The following RPS6KA3 variants were observed in gnomAD, a reference collection of about 807,000 sequenced individuals.
RPS6KA3 encodes ribosomal protein S6 kinase A3.
In RPS6KA3, 4 loss-of-function variants were observed where a neutral mutation model predicts 67.2. The ratio of observed to expected loss-of-function variants is 0.06; its 90% CI spans 0.03 to 0.14. The LOEUF (loss-of-function observed/expected upper bound fraction) is 0.14. RPS6KA3 is among the 10% of genes least tolerant of loss of function. RPS6KA3 has a pLI of 1.00. For synonymous variants in RPS6KA3, 182 were observed against 183.7 expected, an observed-to-expected ratio of 0.99 and a Z score of 0.07; for missense variants, 204 against 559.0, an observed-to-expected ratio of 0.36 and a Z score of 6.40.
At chrX:20,264,104 T>C (rs926702813) in intron 1 of RPS6KA3, among the ~76,000 whole-genome samples, 1 of 112,323 alleles carries the variant, frequency 8.9e-6, no homozygotes, top group Non-Finnish European at 1.9e-5. Context: ...TATTTCCAAA[T>C]TGTATCAGAA....
In RPS6KA3 at chrX:20,266,717, CACGGCA is replaced by C; in HGVS notation, c.-91_-86del. ...CCCCGCTCCGTCGCCGCCCGAGCCC[CACGGCA>C]GCGGCGGCGGCGGCGGCGGCGGCGG... On this transcript the variant is annotated 5_prime_UTR_variant, in exon 1 of 22. Transcript: ENST00000379565. 1 of 630,552 alleles carries C rather than the reference CACGGCA, an allele frequency of 1.6e-6. No individual in the cohort carries two copies. The highest frequency in any genetic ancestry group is 1.9e-6 in the Non-Finnish European group (1 of 530,315). The allele number at this position is 630,552 out of a possible 1,213,427, so 52.0% of individuals were successfully genotyped here.
chrX:20,251,310 ATTG>A (rs778242875), intron 1 of RPS6KA3, among the ~76,000 whole-genome samples: 1 of 111,855 alleles, frequency 8.9e-6, no homozygotes, highest in African/African-American at 3.2e-5. Flanking sequence ...TATTTTTATT[ATTG>A]TTATTATTTG....
chrX:20,224,117 TG>T (rs1310553597), intron 2 of RPS6KA3, among the ~76,000 whole-genome samples: 1 of 82,252 alleles, frequency 1.2e-5, no homozygotes, highest in Admixed American at 1.1e-4. Flanking sequence ...CCACACTGGA[TG>T]AAACAGACTA....
intron 2 of RPS6KA3, among the ~76,000 whole-genome samples, chrX:20,209,607 C>G (rs750785848): frequency 9.0e-6 from 1 of 111,725 alleles, no homozygotes; most frequent in South Asian, 3.7e-4. Flanking sequence ...CATATACTTT[C>G]AGGTTAAATG....
intron 1 of RPS6KA3, among the ~76,000 whole-genome samples, chrX:20,249,085 C>CT (rs1001962094): frequency 1.1e-4 from 12 of 111,971 alleles, no homozygotes; most frequent in Non-Finnish European, 2.1e-4. Flanking sequence ...AGCATGTGAC[C>CT]TTTTTTTCAC....
At chrX:20,221,042 A>G (rs1220588245) in intron 2 of RPS6KA3, among the ~76,000 whole-genome samples, 1 of 112,338 alleles carries the variant, frequency 8.9e-6, no homozygotes. Flanking sequence ...TCAATGAGCA[A>G]TTGCTTTATT....
At chrX:20,198,382 T>C (rs114952916) in intron 4 of RPS6KA3, among the ~76,000 whole-genome samples, 1 of 111,707 alleles carries the variant, frequency 9.0e-6, no homozygotes, top group East Asian at 2.8e-4. Context: ...AAAGAAAAGA[T>C]AGCAAAAGAC....
At chrX:20,236,526 T>G (rs1237823274) in intron 1 of RPS6KA3, among the ~76,000 whole-genome samples, 1 of 109,896 alleles carries the variant, frequency 9.1e-6, no homozygotes, top group Non-Finnish European at 1.9e-5. Context: ...ATCCATCCAT[T>G]CATTCATTTC....
chrX:20,219,028 A>C (rs894238230), intron 2 of RPS6KA3: 14 of 391,371 alleles, frequency 3.6e-5, no homozygotes, highest in African/African-American at 3.3e-4. Context: ...GAAAGAAGAA[A>C]CCTGCCGGCA....
intron 3 of RPS6KA3, among the ~76,000 whole-genome samples, chrX:20,206,435 A>AATACCAG (rs2068574045): frequency 8.9e-6 from 1 of 112,000 alleles, no homozygotes; most frequent in Admixed American, 9.5e-5. Context: ...AATTTAATTT[A>AATACCAG]ATACCAGATA....
At chrX:20,206,549 G>GCTA (rs1045653995) in intron 3 of RPS6KA3, among the ~76,000 whole-genome samples, 2 of 112,022 alleles carry the variant, frequency 1.8e-5, no homozygotes, top group African/African-American at 6.5e-5. Flanking sequence ...CAGGCACTGT[G>GCTA]CTACTGGTTC....
chrX:20,188,606 C>T, intron 7 of RPS6KA3, 72 bp from the exon 8 acceptor site: 1 of 549,148 alleles, frequency 1.8e-6, no homozygotes, highest in East Asian at 3.6e-5. Flanking sequence ...GAAATTACAT[C>T]CTTAAGCATC....
At chrX:20,240,640 T>G in intron 1 of RPS6KA3, 1 of 231,284 alleles carries the variant, frequency 4.3e-6, no homozygotes, top group Non-Finnish European at 6.2e-6. Context: ...TAAAGACTTA[T>G]GTACAGTGAT....
intron 1 of RPS6KA3, among the ~76,000 whole-genome samples, chrX:20,242,200 T>G (rs1462620512): frequency 8.9e-6 from 1 of 111,905 alleles, no homozygotes; most frequent in Non-Finnish European, 1.9e-5. Flanking sequence ...GAACTCAAAA[T>G]AAAAGAGGTA....
Position 20,154,684 on chromosome X carries a change from C to T in RPS6KA3, c.*714G>A, listed in dbSNP as rs1316830269. Reference sequence around the variant, plus strand: ...TAGGTTAGTCTGACAGAGCACCTGACTTTAAGAAACAAACAAATGAACGAA... The same window carrying T: ...TAGGTTAGTCTGACAGAGCACCTGATTTTAAGAAACAAACAAATGAACGAA... On this transcript the variant is annotated 3_prime_UTR_variant, in exon 22 of 22. Coordinates refer to ENST00000379565, the MANE Select transcript of RPS6KA3 (RefSeq NM_004586.3). 1.8e-5 allele frequency: 2 copies of T among 113,461 alleles called. No homozygotes were observed. Among genetic ancestry groups the T allele is most frequent in the Non-Finnish European group, 3.7e-5 (2 of 53,902 alleles). The allele number at this position is 113,461 out of a possible 1,213,427, so 9.4% of individuals were successfully genotyped here.
At chrX:20,259,851 T>C (rs951978386) in intron 1 of RPS6KA3, among the ~76,000 whole-genome samples, 1 of 111,516 alleles carries the variant, frequency 9.0e-6, no homozygotes, top group African/African-American at 3.3e-5. Context: ...CACTACCTTA[T>C]TTTTTGGAGG....
intron 7 of RPS6KA3, among the ~76,000 whole-genome samples, chrX:20,192,964 A>C (rs1186150519): frequency 1.8e-5 from 2 of 112,133 alleles, no homozygotes; most frequent in Admixed American, 1.9e-4. Flanking sequence ...CAATGAATGC[A>C]GATTTCAACC....
intron 20 of RPS6KA3, among the ~76,000 whole-genome samples, chrX:20,156,642 C>G (rs2067193847): frequency 9.1e-6 from 1 of 110,380 alleles, no homozygotes; most frequent in Admixed American, 9.7e-5. Flanking sequence ...CTCAAGTGAT[C>G]CTCCCACCTC....
intron 10 of RPS6KA3, among the ~76,000 whole-genome samples, chrX:20,180,405 T>A (rs1025608717): frequency 9.0e-6 from 1 of 111,562 alleles, no homozygotes; most frequent in African/African-American, 3.3e-5. Context: ...TAAAAAAAAA[T>A]TTCCATACTC....
Sources: gnomAD v4.1 joint callset for allele counts (sites outside exome capture counted in the v4.1 genomes callset) on GRCh38, gnomAD v4.1.1 for gene constraint, MANE v1.5 for transcripts, NCBI Gene and HGNC (gene_info 2026-07-23, HGNC 2026-07-21) for gene names.